The following NEB variants were observed in gnomAD, a reference collection of about 807,000 sequenced individuals.
NEB encodes nemaline myopathy type 2.
Under a neutral mutation model 952.2 loss-of-function variants are expected in NEB, and 512 were observed. The ratio of observed to expected loss-of-function variants is 0.54; its 90% CI spans 0.50 to 0.58. NEB has a LOEUF of 0.58. Among genes scored for constraint, NEB ranks in the 20% least tolerant of loss-of-function variants. The pLI is 0.00. For missense variants in NEB, 8,428 were observed against 9,231.1 expected (o/e 0.91, Z 3.56); for synonymous variants, 2,900 against 3,149.8 (o/e 0.92, Z 2.66).
At chr2:151,542,513 G>A (rs1399078356) in intron 135 of NEB, among the ~76,000 whole-genome samples, 8 of 151,900 alleles carry the variant, frequency 5.3e-5, no homozygotes, top group African/African-American at 1.4e-4. Flanking sequence ...TCTCTATTTT[G>A]CTAAATGACT....
chr2:151,658,110 G>A lies in NEB; in HGVS notation c.6076-20C>T, dbSNP rs2099106211. 2.0e-6 allele frequency: 3 copies of A among 1,493,298 alleles called. No individual in the cohort carries two copies. The highest frequency in any genetic ancestry group is 3.7e-5 in the Admixed American group (2 of 54,254). 92.5% of individuals were successfully genotyped at this position (1,493,298 alleles called of 1,614,324 possible). On this transcript the variant is annotated intron_variant, in intron 47 of 181. Transcript: ENST00000397345. ...GAGTTTCTGTAAAGAGAGGCAAAGG[G>A]AAGAGTTTTCTTCTAAATATGAAAG... is the stretch of plus-strand genomic sequence containing the variant.
At chr2:151,638,479 G>T (rs745401996) in intron 63 of NEB, among the ~76,000 whole-genome samples, 19 of 152,194 alleles carry the variant, frequency 1.2e-4, no homozygotes, top group Non-Finnish European at 2.5e-4. Flanking sequence ...ATCTCTGGGG[G>T]TTGGCACAGA....
chr2:151,678,766 G>A (rs1373090809), intron 32 of NEB, among the ~76,000 whole-genome samples: 1 of 152,096 alleles, frequency 6.6e-6, no homozygotes, highest in Non-Finnish European at 1.5e-5. Flanking sequence ...GGGACACTGA[G>A]AAGCAGAGAC....
chr2:151,695,082 T>C (rs2099586514), intron 18 of NEB, among the ~76,000 whole-genome samples: 1 of 152,180 alleles, frequency 6.6e-6, no homozygotes, highest in Non-Finnish European at 1.5e-5. Flanking sequence ...ACCCCAAGGA[T>C]AATTTAACTT....
chr2:151,687,323 G>A, intron 27 of NEB, 96 bp downstream of exon 27: 2 of 1,020,030 alleles, frequency 2.0e-6, no homozygotes, highest in East Asian at 4.8e-5. Context: ...ATGTGAAAGA[G>A]CCCATGCTCA....
chr2:151,612,856 CG>C (rs2098045781), intron 77 of NEB, among the ~76,000 whole-genome samples: 1 of 152,140 alleles, frequency 6.6e-6, no homozygotes, highest in Non-Finnish European at 1.5e-5. Flanking sequence ...GGGATAAAAA[CG>C]ACGTCTTTTT....
rs1380706075 is a variant in NEB, at chr2:151,665,997, G to T, written c.5031+93C>A. Reference sequence around the variant, plus strand: ...GTTCTGGAGGGAATCCTTAATTACAGTGAGTGCAGCCAGGTGTGGGATGGA... The same window carrying T: ...GTTCTGGAGGGAATCCTTAATTACATTGAGTGCAGCCAGGTGTGGGATGGA... On this transcript the variant is annotated intron_variant, in intron 41 of 181. Transcript: ENST00000397345. 7.8e-6 allele frequency: 10 copies of T among 1,279,410 alleles called. No individual in the cohort carries two copies. The East Asian group carries it at 2.3e-4, about 30-fold the overall frequency. 79.3% of individuals were successfully genotyped at this position (1,279,410 alleles called of 1,614,324 possible).
chr2:151,663,487 TG>T, intron 45 of NEB, 60 bp downstream of exon 45: 1 of 1,460,364 alleles, frequency 6.8e-7, no homozygotes, highest in Non-Finnish European at 9.3e-7. Flanking sequence ...TCATTGCTTA[TG>T]GTCACTCATG....
At chr2:151,616,328 AT>A (rs2098192721) in intron 75 of NEB, among the ~76,000 whole-genome samples, 5 of 152,172 alleles carry the variant, frequency 3.3e-5, no homozygotes, top group Admixed American at 3.3e-4. Context: ...CAACAAAAAA[AT>A]GTGGGGAAAA....
intron 135 of NEB, among the ~76,000 whole-genome samples, chr2:151,542,544 G>A (rs999284308): frequency 1.3e-5 from 2 of 151,806 alleles, no homozygotes; most frequent in African/African-American, 2.4e-5. Flanking sequence ...CCAGTTACTC[G>A]GGCCAGAAAC....
intron 143 of NEB, among the ~76,000 whole-genome samples, chr2:151,533,007 G>C (rs1280430837): frequency 6.6e-6 from 1 of 152,150 alleles, no homozygotes; most frequent in Admixed American, 6.5e-5. Context: ...TCATAGAGCT[G>C]CACGGTAATC....
rs1576082029 is a variant in NEB at position 151,679,741 on chromosome 2, C to A, written c.3235G>T (p.Ala1079Ser). ...DAIPIRAAKA[A>S]RQAASDVQYK... ...CTTACGTCACTCGCCGCCTGCCTGG[C>A]AGCTTTGGCAGCTCTGATGGGAATC... Residue 1079 changes from alanine (A) to serine (S), a missense_variant, in exon 32 of 182, where the codon GCC becomes TCC. Ala to Ser is a moderately conservative substitution (Grantham distance 99). This residue lies in a region of NEB where 2,851 missense variants were observed against 2,791.5 expected (regional missense o/e 1.02). Transcript: ENST00000397345. 1.3e-6 allele frequency: 2 copies of A among 1,493,410 alleles called. No individual in the cohort carries two copies. Among genetic ancestry groups the A allele is most frequent in the Admixed American group, 3.6e-5 (2 of 56,182 alleles). The allele number at this position is 1,493,410 out of a possible 1,614,324, so 92.5% of individuals were successfully genotyped here.
chr2:151,567,013 C>A (rs2096433297), intron 114 of NEB, among the ~76,000 whole-genome samples, 155 bp downstream of exon 114: 2 of 152,140 alleles, frequency 1.3e-5, no homozygotes, highest in African/African-American at 4.8e-5. Flanking sequence ...CATCACTGCT[C>A]CTGATCTTTC....
intron 13 of NEB, among the ~76,000 whole-genome samples, chr2:151,704,935 C>T (rs866015419): frequency 5.3e-5 from 8 of 152,322 alleles, no homozygotes; most frequent in Admixed American, 3.3e-4. Context: ...TGACCACGTC[C>T]TTAGTAGCAG....
At chr2:151,661,864 C>G (rs1575472895) in intron 46 of NEB, among the ~76,000 whole-genome samples, 1 of 152,120 alleles carries the variant, frequency 6.6e-6, no homozygotes, top group Non-Finnish European at 1.5e-5. Flanking sequence ...CTTAGACAAA[C>G]AGGACTCATT....
chr2:151,692,700 G>A (rs998370766), intron 20 of NEB, among the ~76,000 whole-genome samples: 7 of 151,986 alleles, frequency 4.6e-5, no homozygotes, highest in Non-Finnish European at 4.4e-5. Context: ...CTAGGTGCAG[G>A]GGCTCACACC....
At chr2:151,622,741 T>C (rs950303590) in intron 71 of NEB, among the ~76,000 whole-genome samples, 2 of 152,224 alleles carry the variant, frequency 1.3e-5, no homozygotes, top group Admixed American at 6.5e-5. Context: ...GGAAATTTAA[T>C]ATTGATACAG....
At chr2:151,679,851 G>A (rs1320931573) in intron 31 of NEB, 23 bp from the exon 32 acceptor site, 3 of 1,610,514 alleles carry the variant, frequency 1.9e-6, no homozygotes, top group South Asian at 1.1e-5. Flanking sequence ...TGTCATTTAA[G>A]TACAACTTAG....
At chr2:151,698,635 ATTTT>A (rs1269569080) in intron 13 of NEB, among the ~76,000 whole-genome samples, 35 of 130,542 alleles carry the variant, frequency 2.7e-4, no homozygotes, top group Non-Finnish European at 4.5e-4. Flanking sequence ...TACTTCATTA[ATTTT>A]TTTTTTTTTT....
Sources: allele counts gnomAD v4.1 joint callset (sites outside exome capture counted in the v4.1 genomes callset), GRCh38; gene constraint gnomAD v4.1.1; regional missense constraint gnomAD v4.1.1; transcripts MANE v1.5; gene names NCBI Gene and HGNC (gene_info 2026-07-23, HGNC 2026-07-21).